Variants in MCUB observed in about 807,000 individuals in gnomAD.
MCUB encodes calcium uniporter regulatory subunit MCUb, mitochondrial.
Under a neutral mutation model 41.4 loss-of-function variants are expected in MCUB, and 46 were observed. That is an observed-to-expected ratio of 1.11 (90% CI 0.88 to 1.42). The LOEUF (loss-of-function observed/expected upper bound fraction) is 1.42, where lower values mean the gene tolerates loss of function less well. MCUB is among the 40% of genes most tolerant of loss of function. The probability of loss-of-function intolerance (pLI) is 0.00; values close to 1 mark genes in which losing one functional copy is unlikely to be tolerated. For synonymous variants in MCUB, 148 were observed against 148.2 expected (o/e 1.00, Z 0.01); for missense variants, 403 against 404.9 (o/e 1.00, Z 0.04).
At chr4:109,636,839 A>T (rs1045910449) in intron 1 of MCUB, among the ~76,000 whole-genome samples, 2 of 152,186 alleles carry the variant, frequency 1.3e-5, no homozygotes, top group Non-Finnish European at 2.9e-5. Context: ...CATCTCAAAA[A>T]ACAACAACAA....
intron 1 of MCUB, among the ~76,000 whole-genome samples, chr4:109,606,652 A>C (rs1050446833): frequency 6.6e-6 from 1 of 152,204 alleles, no homozygotes; most frequent in Non-Finnish European, 1.5e-5. Context: ...AAAGAAGACT[A>C]ATAAAAACTC....
chr4:109,656,818 A>G (rs765550504), intron 1 of MCUB, among the ~76,000 whole-genome samples: 3 of 152,228 alleles, frequency 2.0e-5, no homozygotes, highest in Non-Finnish European at 2.9e-5. Flanking sequence ...AATATCCATT[A>G]TCCACACTTG....
chr4:109,586,298 C>T lies in MCUB; in HGVS notation c.99+25862C>T, dbSNP rs1727304197. Among the ~76,000 whole-genome samples, 7 of 152,234 alleles carry T rather than the reference C, an allele frequency of 4.6e-5. No individual in the cohort carries two copies. In the South Asian group the frequency reaches 1.5e-3, roughly 32 times the overall value. The stretch of plus-strand genomic sequence containing the variant: ...GGTTCTCGTGCCATGGTTTTCAGTT[C>T]CATCAGGTCATTTAAGGTCTTCTCT... On this transcript the variant is annotated intron_variant, in intron 1 of 7. Transcript: ENST00000394650.
At chr4:109,577,632 T>G (rs1389819786) in intron 1 of MCUB, among the ~76,000 whole-genome samples, 1 of 24,122 alleles carries the variant, frequency 4.1e-5, no homozygotes, top group Admixed American at 4.8e-4. Flanking sequence ...TTTTTTGAGA[T>G]GGAGTCTCGC....
intron 1 of MCUB, among the ~76,000 whole-genome samples, chr4:109,603,766 G>A (rs1727803495): frequency 6.6e-6 from 1 of 151,690 alleles, no homozygotes; most frequent in Non-Finnish European, 1.5e-5. Flanking sequence ...CGTCTGGGAG[G>A]TGGGGGGCGC....
chr4:109,685,369 T>C lies in MCUB; in HGVS notation c.933+2T>C, dbSNP rs1216183445. 4 of 1,291,656 alleles carry C rather than the reference T, an allele frequency of 3.1e-6. No individual in the cohort carries two copies. 80.0% of individuals were successfully genotyped at this position (1,291,656 alleles called of 1,614,324 possible). ...AAGTTAAAAGAAGACCTTGCTAAGG[T>C]ATACTACAAATACATCTTATAGCTG... On this transcript the variant is annotated splice_donor_variant, in intron 7 of 7. Coordinates refer to ENST00000394650, the MANE Select transcript of MCUB (RefSeq NM_017918.5). LOFTEE classifies it high-confidence loss of function.
At chr4:109,653,516 A>G (rs1448918758) in intron 1 of MCUB, among the ~76,000 whole-genome samples, 1 of 152,070 alleles carries the variant, frequency 6.6e-6, no homozygotes, top group Non-Finnish European at 1.5e-5. Context: ...TGCACCTAGG[A>G]GAGTTATTGT....
rs368602375 is a variant in MCUB, at chr4:109,687,499, C to G, written c.934-16C>G. On this transcript the variant is annotated splice_polypyrimidine_tract_variant and intron_variant, in intron 7 of 7. Coordinates refer to ENST00000394650, the MANE Select transcript of MCUB (RefSeq NM_017918.5). The stretch of plus-strand genomic sequence containing the variant: ...TCTTCTTTCTGATCACATGCTTTTT[C>G]TTTTTCCCATGACAGGCTAAAGAAT... 1 of 1,591,308 alleles carries G rather than the reference C, an allele frequency of 6.3e-7. No homozygotes were observed. Among genetic ancestry groups the G allele is most frequent in the Non-Finnish European group, 8.6e-7 (1 of 1,162,606 alleles).
intron 1 of MCUB, among the ~76,000 whole-genome samples, chr4:109,598,478 C>G (rs1041019843): frequency 6.6e-5 from 10 of 151,658 alleles, no homozygotes; most frequent in Admixed American, 3.9e-4. Flanking sequence ...TGCCTGCAAT[C>G]GCAGGCACTC....
At chr4:109,657,459 T>C (rs1374770395) in intron 1 of MCUB, among the ~76,000 whole-genome samples, 8 of 152,198 alleles carry the variant, frequency 5.3e-5, no homozygotes, top group Non-Finnish European at 4.4e-5. Flanking sequence ...ATTATTTTAA[T>C]AGTGTACCCT....
intron 1 of MCUB, among the ~76,000 whole-genome samples, chr4:109,592,086 ATACTT>A (rs1727449765): frequency 2.0e-5 from 3 of 152,114 alleles, no homozygotes; most frequent in African/African-American, 7.2e-5. Context: ...TCCAAGAACT[ATACTT>A]TATTTGCTGA....
intron 1 of MCUB, among the ~76,000 whole-genome samples, chr4:109,653,104 T>C (rs1162007062): frequency 6.6e-6 from 1 of 152,110 alleles, no homozygotes; most frequent in African/African-American, 2.4e-5. Flanking sequence ...AGGCTGGGTG[T>C]GGTGGCTCAC....
chr4:109,664,911 A>G lies in MCUB; in HGVS notation c.451+517A>G, dbSNP rs145986577. 2.7e-3 allele frequency among the ~76,000 whole-genome samples: 412 copies of G among 151,402 alleles called. 8 individuals carry two copies. In the East Asian group the frequency reaches 0.051, roughly 19 times the overall value. On this transcript the variant is annotated intron_variant, in intron 4 of 7. Transcript: ENST00000394650. ...GGTAGGCCTGAAAATCAAGAATTCA[A>G]GTATACATGATTGTATAGCTCTTAA...
chr4:109,571,936 T>C (rs11944637), intron 1 of MCUB, among the ~76,000 whole-genome samples: 19,528 of 152,256 alleles, frequency 0.13, 1,489 homozygotes, highest in Middle Eastern at 0.21. Context: ...TAAAAGTTGA[T>C]TACTGTGGGA....
At chr4:109,592,236 C>T (rs963074959) in intron 1 of MCUB, among the ~76,000 whole-genome samples, 5 of 151,524 alleles carry the variant, frequency 3.3e-5, no homozygotes, top group Non-Finnish European at 7.4e-5. Flanking sequence ...ATGGCGAAAC[C>T]CCATCTCTAC....
chr4:109,597,189 C>A (rs546705827), intron 1 of MCUB, among the ~76,000 whole-genome samples: 3 of 152,226 alleles, frequency 2.0e-5, no homozygotes, highest in East Asian at 1.9e-4. Context: ...ACCTTTCCCC[C>A]CTTTCTATTC....
At chr4:109,676,854 A>T (rs1381148264) in intron 4 of MCUB, among the ~76,000 whole-genome samples, 3 of 152,280 alleles carry the variant, frequency 2.0e-5, no homozygotes, top group South Asian at 4.1e-4. Context: ...CAGTAAAATG[A>T]GAGGAGAATA....
chr4:109,684,248 G>A (rs938581022), intron 5 of MCUB, among the ~76,000 whole-genome samples, 195 bp from the exon 6 acceptor site: 9 of 151,932 alleles, frequency 5.9e-5, no homozygotes, highest in African/African-American at 2.2e-4. Flanking sequence ...ATTTTTAGTA[G>A]AGACGGGGTT....
At chr4:109,612,246 T>TTCC (rs371181154) in intron 1 of MCUB, among the ~76,000 whole-genome samples, 1 of 149,722 alleles carries the variant, frequency 6.7e-6, no homozygotes, top group Non-Finnish European at 1.5e-5. Flanking sequence ...CTGGTATTTC[T>TTCC]TCCTCCTCCT....
Sources: gnomAD v4.1 joint callset for allele counts (sites outside exome capture counted in the v4.1 genomes callset) on GRCh38, gnomAD v4.1.1 for gene constraint, MANE v1.5 for transcripts, NCBI Gene and HGNC (gene_info 2026-07-23, HGNC 2026-07-21) for gene names.